ERAP2: variants seen among roughly 807,000 people sequenced by gnomAD.
ERAP2 encodes leukocyte-derived arginine aminopeptidase.
A neutral mutation model predicts 111.1 loss-of-function variants in ERAP2; 118 were observed. The ratio of observed to expected loss-of-function variants is 1.06; its 90% confidence interval spans 0.92 to 1.24. The LOEUF is 1.24. ERAP2 is among the 50% of genes most tolerant of loss of function. The probability of loss-of-function intolerance (pLI) is 0.00; values close to 1 mark genes in which losing one functional copy is unlikely to be tolerated. For missense variants in ERAP2, 1,131 were observed against 1,125.8 expected, an observed-to-expected ratio of 1.00 and a Z score of -0.07; for synonymous variants, 410 against 401.2, an observed-to-expected ratio of 1.02 and a Z score of -0.26.
intron 1 of ERAP2, 22 bp from the exon 2 acceptor site, chr5:96,879,542 T>C: frequency 1.6e-6 from 1 of 621,782 alleles, no homozygotes; most frequent in South Asian, 2.2e-5. Flanking sequence ...TGTCATGCTA[T>C]AAGTGTGTTT....
At chr5:96,889,933 C>T (rs1176325612) in intron 5 of ERAP2, among the ~76,000 whole-genome samples, 1 of 152,006 alleles carries the variant, frequency 6.6e-6, no homozygotes, top group Non-Finnish European at 1.5e-5. Flanking sequence ...GGTCAGCAAT[C>T]TTTTATAAAA....
rs114976552 is a variant in ERAP2, at chr5:96,879,641, C to T, written c.-45C>T. ...GCCAGTGCAGTGCCATGAAGAACTA[C>T]GAGATTAGCCTGGATATTAACTTGT... On this transcript the variant is annotated 5_prime_UTR_variant, in exon 2 of 19. It adds an upstream start codon to the 5' untranslated region. Transcript: ENST00000437043. 2,350 of 1,537,464 alleles carry T rather than the reference C, an allele frequency of 1.5e-3. 28 individuals carry two copies. The African/African-American group carries it at 0.028, about 18-fold the overall frequency.
chr5:96,900,305 C>T, intron 10 of ERAP2, 116 bp downstream of exon 10: 2 of 1,418,878 alleles, frequency 1.4e-6, no homozygotes, highest in East Asian at 2.4e-5. Flanking sequence ...AGAAAGAGAG[C>T]CCCCACGATT....
chr5:96,879,767 A>G lies in ERAP2; in HGVS notation c.82A>G (p.Ile28Val). 1 of 1,614,222 alleles carries G rather than the reference A, an allele frequency of 6.2e-7. No individual in the cohort carries two copies. The highest frequency in any genetic ancestry group is 1.1e-5 in the South Asian group (1 of 91,090). Residue 28 changes from isoleucine to valine, a missense_variant, in exon 2 of 19, where the codon ATC becomes GTC. By Grantham distance (29) the Ile-to-Val change is conservative (BLOSUM62 3). This residue lies in a region of ERAP2 where 847 missense variants were observed against 856.5 expected (regional missense o/e 0.99). Transcript: ENST00000437043. Reference sequence around the variant, plus strand: ...CAGAGGATTTTACTGCTTAACAGCCATCTTGCCCCAAATATGCATTTGTTC... The same window carrying G: ...CAGAGGATTTTACTGCTTAACAGCCGTCTTGCCCCAAATATGCATTTGTTC... Reference protein sequence around the residue: ...IHRGFYCLTAILPQICICSQF... With the variant: ...IHRGFYCLTAVLPQICICSQF...
At chr5:96,911,353 T>C (rs1026359052) in intron 15 of ERAP2, among the ~76,000 whole-genome samples, 2 of 152,210 alleles carry the variant, frequency 1.3e-5, no homozygotes, top group African/African-American at 4.8e-5. Context: ...ACAGTTCTTA[T>C]TGATCCGTTG....
chr5:96,911,603 A>C (rs1420990510), intron 15 of ERAP2, among the ~76,000 whole-genome samples: 1 of 152,146 alleles, frequency 6.6e-6, no homozygotes, highest in Non-Finnish European at 1.5e-5. Flanking sequence ...GCTCTCAACT[A>C]GGCCAAGTGC....
At position 96,917,634 on chromosome 5, in the gene ERAP2, C is replaced by A; in HGVS notation, c.*29C>A. On this transcript the variant is annotated 3_prime_UTR_variant, in exon 19 of 19. Transcript: ENST00000437043. ...GTCAATAGAAAAAGTAGGCTGGGCG[C>A]GGTGGCTCACGCCTGTAATCCCAGC... 1.3e-6 allele frequency: 2 copies of A among 1,569,170 alleles called. No individual in the cohort carries two copies. Among genetic ancestry groups the A allele is most frequent in the Admixed American group, 3.5e-5 (2 of 57,536 alleles).
chr5:96,896,099 A>G (rs1207809291), intron 7 of ERAP2, among the ~76,000 whole-genome samples: 7 of 152,180 alleles, frequency 4.6e-5, no homozygotes, highest in Non-Finnish European at 8.8e-5. Context: ...AATGGAAACC[A>G]TTATTTTATT....
At chr5:96,917,072 A>G (rs2112448903) in intron 18 of ERAP2, among the ~76,000 whole-genome samples, 1 of 152,192 alleles carries the variant, frequency 6.6e-6, no homozygotes, top group East Asian at 1.9e-4. Context: ...TGTAATTTGC[A>G]AGCTCTTTTG....
At chr5:96,902,512 A>G in intron 12 of ERAP2, 159 bp downstream of exon 12, 1 of 540,580 alleles carries the variant, frequency 1.8e-6, no homozygotes, top group Non-Finnish European at 3.3e-6. Flanking sequence ...CTCTTTTAGT[A>G]AGAAAATCTG....
intron 15 of ERAP2, chr5:96,910,395 G>A (rs1350172607): frequency 1.3e-5 from 2 of 150,088 alleles, no homozygotes; most frequent in African/African-American, 2.5e-5. Flanking sequence ...AGTAATTCAA[G>A]TTTTCTTCTT....
chr5:96,915,698 G>T lies in ERAP2; in HGVS notation c.2668G>T (p.Gly890Cys). 1.3e-6 allele frequency: 2 copies of T among 1,530,536 alleles called. No homozygotes were observed. Among genetic ancestry groups the T allele is most frequent in the South Asian group, 1.3e-5 (1 of 76,888 alleles). 94.8% of individuals were successfully genotyped at this position (1,530,536 alleles called of 1,614,324 possible). A position where few individuals can be genotyped will look rare whatever the true frequency, so the allele number is the denominator to read the frequency against. ...WTHLLKKFDL[G>C]SYDIRMIISG... ...TCTTTTTATTTTCAGATTTGACTTG[G>T]GCTCATATGACATAAGGATGATCAT... is the stretch of plus-strand genomic sequence containing the variant. The change falls in exon 18 of 19, where the codon GGC (glycine) becomes TGC (cysteine). Residue 890 changes from glycine to cysteine, a missense_variant. Physicochemically the swap from Gly to Cys is radical, Grantham distance 159. This residue lies in a region of ERAP2 where 279 missense variants were observed against 250.9 expected (regional missense o/e 1.11). Transcript: ENST00000437043.
rs138644698 is a variant in ERAP2, at chr5:96,886,775, T to G, written c.835T>G (p.Ser279Ala). ...TTTCCACTCTCTGAGTGGCTTCACT[T>G]CATCAGGGGTCAAGGTGAGACTGAG... The part of the protein sequence containing the change: ...CDFHSLSGFT[S>A]SGVKVSIYAS... Residue 279 changes from serine to alanine, a missense_variant, in exon 4 of 19, where the codon TCA becomes GCA. Ser to Ala is a moderately conservative substitution (Grantham distance 99). This residue lies in a region of ERAP2 where 847 missense variants were observed against 856.5 expected (regional missense o/e 0.99). Coordinates refer to ENST00000437043, the MANE Select transcript of ERAP2 (RefSeq NM_022350.5). 231 of 1,505,604 alleles carry G rather than the reference T, an allele frequency of 1.5e-4. No homozygotes were observed. The highest frequency in any genetic ancestry group is 1.9e-4 in the Non-Finnish European group (210 of 1,107,604). The allele number at this position is 1,505,604 out of a possible 1,614,324, so 93.3% of individuals were successfully genotyped here.
chr5:96,888,338 G>C (rs1443927850), intron 4 of ERAP2, among the ~76,000 whole-genome samples: 1 of 152,176 alleles, frequency 6.6e-6, no homozygotes, highest in Non-Finnish European at 1.5e-5. Flanking sequence ...TCAGAGGACA[G>C]GTTCCTGTCA....
chr5:96,892,524 C>G, intron 6 of ERAP2, 71 bp downstream of exon 6: 1 of 1,559,996 alleles, frequency 6.4e-7, no homozygotes, highest in South Asian at 1.1e-5. Context: ...ACCAATCTTC[C>G]TGAAACAAAA....
chr5:96,878,200 G>A (rs561188024), intron 1 of ERAP2, among the ~76,000 whole-genome samples: 30 of 147,532 alleles, frequency 2.0e-4, no homozygotes, highest in Admixed American at 1.9e-3. Flanking sequence ...GCTTTCAAAA[G>A]TAGTGTAAAG....
intron 15 of ERAP2, among the ~76,000 whole-genome samples, chr5:96,912,128 C>T (rs1418747149): frequency 4.1e-5 from 6 of 147,072 alleles, no homozygotes; most frequent in Non-Finnish European, 6.0e-5. Flanking sequence ...GGGGCGGAGC[C>T]TGCAGTGAGC....
In ERAP2 at chr5:96,917,833, G is replaced by C. The variant is rs530754184; in HGVS notation, c.*228G>C. 28 of 235,548 alleles carry C rather than the reference G, an allele frequency of 1.2e-4. No individual in the cohort carries two copies. The highest frequency in any genetic ancestry group is 1.9e-4 in the Non-Finnish European group (23 of 120,530). The allele number at this position is 235,548 out of a possible 1,614,324, so 14.6% of individuals were successfully genotyped here. On this transcript the variant is annotated 3_prime_UTR_variant, in exon 19 of 19. Transcript: ENST00000437043. ...CAGCAGGAAAATGGCATAAACCCGG[G>C]AGGTGGAGCTTGCAGTGAGCCGAGA...
rs1782954462 is a variant in ERAP2, at chr5:96,879,875, T to G, written c.190T>G (p.Trp64Gly). The G allele has an allele frequency of 6.2e-7, 1 of 1,614,192 alleles. No individual in the cohort carries two copies. Among genetic ancestry groups the G allele is most frequent in the Non-Finnish European group, 8.5e-7 (1 of 1,180,024 alleles). ...PVATNGERFP[W>G]QELRLPSVVI... is the part of the protein sequence containing the mutation. ...AGCCACTAATGGGGAACGATTTCCT[T>G]GGCAGGAGCTAAGGCTCCCCAGTGT... Residue 64 changes from tryptophan to glycine, a missense_variant, in exon 2 of 19, where the codon TGG (tryptophan) becomes GGG (glycine). By Grantham distance (184) the Trp-to-Gly change is radical. Coordinates refer to ENST00000437043, the MANE Select transcript of ERAP2 (RefSeq NM_022350.5).
Sources: gnomAD v4.1 joint callset for allele counts (sites outside exome capture counted in the v4.1 genomes callset) on GRCh38, gnomAD v4.1.1 for gene constraint, gnomAD v4.1.1 regional missense constraint, MANE v1.5 for transcripts, NCBI Gene and HGNC (gene_info 2026-07-23, HGNC 2026-07-21) for gene names.